SOAT1: variants seen among roughly 807,000 people sequenced by gnomAD.
The protein encoded by SOAT1 is acyl-coenzyme A:cholesterol acyltransferase 1.
In SOAT1, 55 loss-of-function variants were observed where a neutral mutation model predicts 69.5. That is an observed-to-expected ratio of 0.79 (90% CI 0.64 to 0.99). The LOEUF (loss-of-function observed/expected upper bound fraction) is 0.99, where lower values mean the gene tolerates loss of function less well. Ranked by LOEUF, SOAT1 falls within the 50% of genes least tolerant of loss-of-function variation. SOAT1 has a pLI of 0.00. For synonymous variants in SOAT1, 231 were observed against 224.7 expected (o/e 1.03, Z -0.25); for missense variants, 580 against 669.3 (o/e 0.87, Z 1.47).
At chr1:179,342,703 G>A (rs539010426) in intron 8 of SOAT1, among the ~76,000 whole-genome samples, 159 bp from the exon 9 acceptor site, 8 of 152,224 alleles carry the variant, frequency 5.3e-5, no homozygotes, top group South Asian at 2.1e-4. Flanking sequence ...TATTCAATTC[G>A]TGCAAGAATA....
intron 2 of SOAT1, among the ~76,000 whole-genome samples, chr1:179,307,487 T>C (rs977337967): frequency 2.6e-5 from 4 of 152,122 alleles, no homozygotes; most frequent in African/African-American, 9.7e-5. Flanking sequence ...CTTGCATCTA[T>C]AGTCTGAGCT....
At chr1:179,310,901 C>T (rs1006903677) in intron 2 of SOAT1, among the ~76,000 whole-genome samples, 1 of 152,122 alleles carries the variant, frequency 6.6e-6, no homozygotes, top group African/African-American at 2.4e-5. Flanking sequence ...CTTAGTATTC[C>T]TTAGTCATCT....
Position 179,356,823 on chromosome 1 carries a change from G to A in SOAT1, c.*3182G>A, listed in dbSNP as rs1173185423. 3.3e-5 allele frequency: 5 copies of A among 150,308 alleles called. No individual in the cohort carries two copies. Among genetic ancestry groups the A allele is most frequent in the Non-Finnish European group, 4.4e-5 (3 of 67,872 alleles). The allele number at this position is 150,308 out of a possible 1,614,324, so 9.3% of individuals were successfully genotyped here. A position where few individuals can be genotyped will look rare whatever the true frequency, so the allele number is the denominator to read the frequency against. On this transcript the variant is annotated 3_prime_UTR_variant, in exon 16 of 16. Transcript: ENST00000367619. ...TGCTCTGGAGTACCTAGAACTACAAGTGCCTACCACCACACCCAGCTAATT... is the reference window on the plus strand; with the variant it reads ...TGCTCTGGAGTACCTAGAACTACAAATGCCTACCACCACACCCAGCTAATT...
intron 4 of SOAT1, among the ~76,000 whole-genome samples, chr1:179,337,085 A>G (rs1043012209): frequency 8.5e-5 from 13 of 152,248 alleles, no homozygotes; most frequent in Admixed American, 7.9e-4. Context: ...TACTTTTCTA[A>G]TTGATGGTTC....
In SOAT1 at chr1:179,355,085, C is replaced by G. The variant is rs1382311589; in HGVS notation, c.*1444C>G. 6.6e-6 allele frequency: 1 copy of G among 152,288 alleles called. No individual in the cohort carries two copies. The highest frequency in any genetic ancestry group is 1.9e-4 in the East Asian group (1 of 5,184). The allele number at this position is 152,288 out of a possible 1,614,324, so 9.4% of individuals were successfully genotyped here. On this transcript the variant is annotated 3_prime_UTR_variant, in exon 16 of 16. Coordinates refer to ENST00000367619, the MANE Select transcript of SOAT1 (RefSeq NM_003101.6). ...ATCACGTATCTTACTCACGATACCA[C>G]TGGTCCAGATGAGTTTAGGTAATTT...
At chr1:179,351,911 G>T (rs1284482279) in intron 15 of SOAT1, among the ~76,000 whole-genome samples, 1 of 151,304 alleles carries the variant, frequency 6.6e-6, no homozygotes, top group Non-Finnish European at 1.5e-5. Flanking sequence ...GTAGAGATGG[G>T]GTTTCACCAT....
chr1:179,349,268 C>G (rs1287927461), intron 13 of SOAT1, among the ~76,000 whole-genome samples: 1 of 151,116 alleles, frequency 6.6e-6, no homozygotes, highest in African/African-American at 2.4e-5. Flanking sequence ...GTCTTGTTGC[C>G]AACAAATAAT....
intron 2 of SOAT1, among the ~76,000 whole-genome samples, chr1:179,306,128 C>T (rs113418207): frequency 0.016 from 2,425 of 152,140 alleles, 71 homozygotes; most frequent in African/African-American, 0.053. Flanking sequence ...GAGAGGGTGA[C>T]GGGTAGGTAG....
Position 179,304,014 on chromosome 1 carries a change from A to AGT in SOAT1, c.118+1215_118+1216dup, listed in dbSNP as rs563571729. ...ATTCTTCTGATTTCTGTGTATTTTC[A>AGT]GTGTTCTTTATTGTCCTAGTTCATT... is the stretch of plus-strand genomic sequence containing the variant. On this transcript the variant is annotated intron_variant, in intron 2 of 15. Coordinates refer to ENST00000367619, the MANE Select transcript of SOAT1 (RefSeq NM_003101.6). Among the ~76,000 whole-genome samples the AGT allele has an allele frequency of 1.4e-4, 22 of 152,250 alleles. No homozygotes were observed. In the South Asian group the frequency reaches 3.9e-3, roughly 27 times the overall value.
chr1:179,321,142 G>T (rs995677885), intron 2 of SOAT1, among the ~76,000 whole-genome samples: 4 of 151,918 alleles, frequency 2.6e-5, no homozygotes, highest in African/African-American at 9.7e-5. Context: ...CCTGACTCAG[G>T]TGATCCGCCT....
chr1:179,297,413 T>C (rs1664686380), intron 1 of SOAT1, among the ~76,000 whole-genome samples: 1 of 152,104 alleles, frequency 6.6e-6, no homozygotes, highest in African/African-American at 2.4e-5. Flanking sequence ...CTCGGCTCAC[T>C]GCAACCTCCG....
chr1:179,348,781 TGTGTGTGTGTG>T (rs1666620255), intron 12 of SOAT1, 52 bp from the exon 13 acceptor site: 3 of 122,586 alleles, frequency 2.4e-5, no homozygotes, highest in Non-Finnish European at 4.4e-5. Context: ...TGTGTGTGTG[TGTGTGTGTGTG>T]TGTGTGTGTG....
intron 13 of SOAT1, among the ~76,000 whole-genome samples, chr1:179,349,892 T>C (rs1321522767): frequency 2.0e-5 from 3 of 152,232 alleles, no homozygotes; most frequent in African/African-American, 7.2e-5. Context: ...TAGTTTCACA[T>C]ACGGATAAGG....
chr1:179,335,454 A>C, intron 3 of SOAT1, 52 bp from the exon 4 acceptor site: 1 of 1,489,214 alleles, frequency 6.7e-7, no homozygotes, highest in Non-Finnish European at 9.2e-7. Flanking sequence ...AATGCTAATG[A>C]CTCACAAGCA....
rs1666320635 is a variant in SOAT1, at chr1:179,341,090, C to T, written c.560C>T (p.Thr187Ile). The T allele has an allele frequency of 2.5e-6, 4 of 1,613,944 alleles. No individual in the cohort carries two copies. The highest frequency in any genetic ancestry group is 3.3e-5 in the Admixed American group (2 of 59,984). The change falls in exon 7 of 16, where the codon ACC (threonine) becomes ATC (isoleucine). Residue 187 changes from threonine to isoleucine, a missense_variant. Physicochemically the swap from Thr to Ile is moderately conservative, Grantham distance 89 (BLOSUM62 -1). Coordinates refer to ENST00000367619, the MANE Select transcript of SOAT1 (RefSeq NM_003101.6). ...AFGKFPTVVW[T>I]WWIMFLSTFS... ...GGCAAATTTCCTACCGTTGTTTGGA[C>T]CTGGTGGATCATGTTCCTGTCTACA...
intron 2 of SOAT1, among the ~76,000 whole-genome samples, chr1:179,313,520 GTA>G (rs530350220): frequency 1.5e-4 from 22 of 150,612 alleles, no homozygotes; most frequent in African/African-American, 3.7e-4. Flanking sequence ...GTATATATGT[GTA>G]TATATATATG....
intron 2 of SOAT1, among the ~76,000 whole-genome samples, chr1:179,314,721 G>A (rs978702533): frequency 3.3e-5 from 5 of 152,022 alleles, no homozygotes; most frequent in Non-Finnish European, 5.9e-5. Context: ...GAGCCAGCAC[G>A]CCTGGAGTCT....
chr1:179,341,402 ATTAAC>A (rs1369853051), intron 7 of SOAT1, 92 bp downstream of exon 7: 2 of 1,260,456 alleles, frequency 1.6e-6, no homozygotes, highest in African/African-American at 3.0e-5. Flanking sequence ...TTTTAGCTGT[ATTAAC>A]TTGGATAAAT....
rs766049026 is a variant in SOAT1 at position 179,351,374 on chromosome 1, T to C, written c.1508T>C (p.Met503Thr). Reference protein sequence around the residue: ...SRKKPIWNVLMWTSLFLGNGV... With the variant: ...SRKKPIWNVLTWTSLFLGNGV... ...AAAAAGCCGATTTGGAATGTTCTGATGTGGACTTCTCTTTTCTTGGGCAAT... is the reference window on the plus strand; with the variant it reads ...AAAAAGCCGATTTGGAATGTTCTGACGTGGACTTCTCTTTTCTTGGGCAAT... Residue 503 changes from methionine to threonine, a missense_variant, in exon 15 of 16, where the codon ATG (methionine) becomes ACG (threonine). Physicochemically the swap from Met to Thr is moderately conservative, Grantham distance 81 (BLOSUM62 -1). Transcript: ENST00000367619. 61 of 1,614,042 alleles carry C rather than the reference T, an allele frequency of 3.8e-5. No individual in the cohort carries two copies. The highest frequency in any genetic ancestry group is 5.0e-5 in the Non-Finnish European group (59 of 1,179,986).
Sources: allele counts gnomAD v4.1 joint callset (sites outside exome capture counted in the v4.1 genomes callset), GRCh38; gene constraint gnomAD v4.1.1; transcripts MANE v1.5; gene names NCBI Gene and HGNC (gene_info 2026-07-23, HGNC 2026-07-21).